The following MYT1L variants were observed in gnomAD, a reference collection of about 807,000 sequenced individuals.
MYT1L encodes myelin transcription factor 1-like protein.
MYT1L carries 12 observed loss-of-function variants against 126.7 expected under a neutral mutation model. The ratio of observed to expected loss-of-function variants is 0.09; its 90% CI spans 0.06 to 0.15. MYT1L has a LOEUF of 0.15. MYT1L is among the 10% of genes least tolerant of loss of function. MYT1L has a pLI of 1.00. For missense variants in MYT1L, 979 were observed against 1,585.2 expected, an observed-to-expected ratio of 0.62 and a Z score of 6.49; for synonymous variants, 541 against 604.2, an observed-to-expected ratio of 0.90 and a Z score of 1.53.
At chr2:1,939,946 G>GC (rs1385438607) in intron 9 of MYT1L, among the ~76,000 whole-genome samples, 1 of 152,234 alleles carries the variant, frequency 6.6e-6, no homozygotes, top group East Asian at 1.9e-4. Context: ...TAGGAGAAAT[G>GC]CATTTGTTTG....
At chr2:1,960,628 G>A (rs891440329) in intron 8 of MYT1L, among the ~76,000 whole-genome samples, 2 of 152,180 alleles carry the variant, frequency 1.3e-5, no homozygotes, top group Non-Finnish European at 2.9e-5. Context: ...GAGGTCGCAC[G>A]GGAAAACCTC....
At chr2:2,306,108 C>G (rs975414929) in intron 1 of MYT1L, 24 of 152,148 alleles carry the variant, frequency 1.6e-4, no homozygotes, top group African/African-American at 1.7e-4. Flanking sequence ...AGTGTGAAGA[C>G]TCCTGGAATT....
intron 19 of MYT1L, among the ~76,000 whole-genome samples, chr2:1,844,215 T>G (rs73913439): frequency 0.041 from 6,233 of 152,184 alleles, 419 homozygotes; most frequent in African/African-American, 0.14. Context: ...TAGCTTCCCC[T>G]TCAGCACTGA....
rs148507858 is a variant in MYT1L at position 2,182,926 on chromosome 2, A to G, written c.-420-9938T>C. Among the ~76,000 whole-genome samples, 50 of 152,240 alleles carry G rather than the reference A, an allele frequency of 3.3e-4. 2 individuals carry two copies. The East Asian group carries it at 9.5e-3, about 29-fold the overall frequency. On this transcript the variant is annotated intron_variant, in intron 2 of 24. Transcript: ENST00000647738. ...GGAGGGAGGTCATCGCTTCTCCTCT[A>G]AGTAAGGAAGGCTGCAACAGGGATG...
intron 8 of MYT1L, among the ~76,000 whole-genome samples, chr2:1,952,702 CTTCCTTCCCTTCCCT>C (rs1480866681): frequency 1.2e-4 from 15 of 120,866 alleles, no homozygotes; most frequent in East Asian, 2.5e-4. Context: ...TCCTTCCTTT[CTTCCTTCCCTTCCCT>C]CCTTCCTTCC....
At chr2:2,058,307 A>G (rs1377174436) in intron 3 of MYT1L, among the ~76,000 whole-genome samples, 1 of 152,228 alleles carries the variant, frequency 6.6e-6, no homozygotes, top group Non-Finnish European at 1.5e-5. Flanking sequence ...ATTTCATTGT[A>G]TATTCTAGAT....
rs2054778037 is a variant in MYT1L at position 1,930,282 on chromosome 2, A to C, written c.506-7019T>G. On this transcript the variant is annotated intron_variant, in intron 9 of 24. Transcript: ENST00000647738. Reference sequence around the variant, plus strand: ...CTGGGCGCCCCGATTCTTTCACTGAACTGCTGGAGTGGCACTATATCACGG... The same window carrying C: ...CTGGGCGCCCCGATTCTTTCACTGACCTGCTGGAGTGGCACTATATCACGG... Among the ~76,000 whole-genome samples, 3 of 152,164 alleles carry C rather than the reference A, an allele frequency of 2.0e-5. No individual in the cohort carries two copies. The South Asian group carries it at 6.2e-4, about 32-fold the overall frequency.
chr2:1,963,436 T>C (rs1280577324), intron 8 of MYT1L, among the ~76,000 whole-genome samples: 1 of 152,202 alleles, frequency 6.6e-6, no homozygotes, highest in Non-Finnish European at 1.5e-5. Flanking sequence ...AGTCACCAAC[T>C]CCATTAGCTC....
intron 1 of MYT1L, among the ~76,000 whole-genome samples, chr2:2,297,147 C>T (rs979258075): frequency 7.9e-5 from 12 of 152,200 alleles, no homozygotes; most frequent in Non-Finnish European, 1.6e-4. Flanking sequence ...GGGGACCTCC[C>T]GCCTTTGCGA....
At chr2:1,844,788 TAACA>T (rs1450974038) in intron 19 of MYT1L, among the ~76,000 whole-genome samples, 1 of 152,158 alleles carries the variant, frequency 6.6e-6, no homozygotes, top group East Asian at 1.9e-4. Flanking sequence ...GATTTGAACC[TAACA>T]AAAAGTCGCT....
chr2:1,998,560 C>T (rs1181930668), intron 4 of MYT1L, among the ~76,000 whole-genome samples: 2 of 152,128 alleles, frequency 1.3e-5, no homozygotes, highest in Non-Finnish European at 2.9e-5. Flanking sequence ...TTCGTCCATA[C>T]ACACAGTTAA....
At chr2:2,177,976 A>G (rs1184040135) in intron 2 of MYT1L, among the ~76,000 whole-genome samples, 1 of 152,194 alleles carries the variant, frequency 6.6e-6, no homozygotes, top group Non-Finnish European at 1.5e-5. Flanking sequence ...TGGAGACAGG[A>G]GTAGGGTTGT....
chr2:1,908,028 G>A (rs1352477635), intron 13 of MYT1L, among the ~76,000 whole-genome samples: 3 of 152,260 alleles, frequency 2.0e-5, no homozygotes, highest in African/African-American at 4.8e-5. Context: ...AGTGAGACTA[G>A]CGTCTCTTTC....
intron 3 of MYT1L, among the ~76,000 whole-genome samples, chr2:2,063,662 G>GATGA (rs796545422): frequency 1.8e-4 from 27 of 152,286 alleles, no homozygotes; most frequent in African/African-American, 6.5e-4. Context: ...TGGCCAACAT[G>GATGA]ATGAAACCCT....
rs1036173046 is a variant in MYT1L at position 2,144,168 on chromosome 2, G to A, written c.-304+28704C>T. Among the ~76,000 whole-genome samples the A allele has an allele frequency of 7.2e-5, 11 of 152,290 alleles. No individual in the cohort carries two copies. The East Asian group carries it at 1.5e-3, about 21-fold the overall frequency. On this transcript the variant is annotated intron_variant, in intron 3 of 24. Coordinates refer to ENST00000647738, the MANE Select transcript of MYT1L (RefSeq NM_001303052.2). ...AAACCAATGTGCGTTGGTTGCACCT[G>A]CACCTGGGAGGTTAGGCCGTCAGGT...
chr2:1,957,411 C>T (rs924401513), intron 8 of MYT1L, among the ~76,000 whole-genome samples: 2 of 151,792 alleles, frequency 1.3e-5, no homozygotes, highest in African/African-American at 4.8e-5. Flanking sequence ...TTTTATCCCT[C>T]CCCCTCCCCC....
chr2:2,122,988 A>C (rs59293755), intron 3 of MYT1L, among the ~76,000 whole-genome samples: 1 of 151,924 alleles, frequency 6.6e-6, no homozygotes, highest in Admixed American at 6.6e-5. Flanking sequence ...GCAGTCACAC[A>C]GGGTGAGGGA....
At chr2:2,153,288 C>A (rs2086122859) in intron 3 of MYT1L, among the ~76,000 whole-genome samples, 1 of 152,142 alleles carries the variant, frequency 6.6e-6, no homozygotes, top group South Asian at 2.1e-4. Flanking sequence ...ACAAAGAATG[C>A]AAGAAGGGCA....
intron 21 of MYT1L, among the ~76,000 whole-genome samples, chr2:1,834,885 T>C (rs28399704): frequency 0.081 from 5,048 of 62,388 alleles, 153 homozygotes; most frequent in African/African-American, 0.14. Context: ...CCACATACCA[T>C]GGGGATGGAT....
Sources: allele counts gnomAD v4.1 joint callset (sites outside exome capture counted in the v4.1 genomes callset), GRCh38; gene constraint gnomAD v4.1.1; transcripts MANE v1.5; gene names NCBI Gene and HGNC (gene_info 2026-07-23, HGNC 2026-07-21).